The following LGR6 variants were observed in gnomAD, a reference collection of about 807,000 sequenced individuals.
LGR6 encodes the protein leucine rich repeat containing G protein-coupled receptor 6, also known as leucine-rich repeat-containing G protein-coupled receptor 6.
LGR6 carries 45 observed loss-of-function variants against 69.4 expected under a neutral mutation model. The ratio of observed to expected loss-of-function variants is 0.65; its 90% CI spans 0.51 to 0.83. The LOEUF (loss-of-function observed/expected upper bound fraction) is 0.83. Ranked by LOEUF, LGR6 falls within the 40% of genes least tolerant of loss-of-function variation. The pLI is 0.00. For missense variants in LGR6, 1,108 were observed against 1,246.7 expected, an observed-to-expected ratio of 0.89 and a Z score of 1.68; for synonymous variants, 538 against 555.0, an observed-to-expected ratio of 0.97 and a Z score of 0.43.
At chr1:202,307,152 G>T (rs1224926853) in intron 13 of LGR6, among the ~76,000 whole-genome samples, 178 bp from the exon 14 acceptor site, 1 of 152,198 alleles carries the variant, frequency 6.6e-6, no homozygotes, top group Non-Finnish European at 1.5e-5. Flanking sequence ...TCATGTCCCT[G>T]TTCCTGGGGC....
chr1:202,226,502 C>G (rs1430234776), intron 2 of LGR6, among the ~76,000 whole-genome samples: 1 of 152,218 alleles, frequency 6.6e-6, no homozygotes, highest in Non-Finnish European at 1.5e-5. Context: ...ACCTTGCCAC[C>G]GTGACCCTAG....
intron 4 of LGR6, among the ~76,000 whole-genome samples, chr1:202,244,936 C>G (rs1662522808): frequency 6.6e-6 from 1 of 152,208 alleles, no homozygotes; most frequent in South Asian, 2.1e-4. Flanking sequence ...AGGCCCACAG[C>G]TGGTTGGAGA....
intron 4 of LGR6, among the ~76,000 whole-genome samples, chr1:202,240,832 T>C (rs1007446755): frequency 3.3e-5 from 5 of 152,146 alleles, no homozygotes; most frequent in African/African-American, 9.7e-5. Context: ...GACCCATCAT[T>C]CCATACCTCT....
intron 4 of LGR6, among the ~76,000 whole-genome samples, chr1:202,254,040 C>T (rs1288114916): frequency 2.6e-5 from 4 of 151,484 alleles, no homozygotes; most frequent in African/African-American, 7.3e-5. Flanking sequence ...CTCCTGACCT[C>T]GTGATCCGCC....
At chr1:202,245,131 G>T (rs1169177578) in intron 4 of LGR6, among the ~76,000 whole-genome samples, 1 of 152,240 alleles carries the variant, frequency 6.6e-6, no homozygotes, top group African/African-American at 2.4e-5. Context: ...CTAAGGCCCA[G>T]CTGTGCTGTA....
In LGR6 at chr1:202,301,152, T is replaced by C; in HGVS notation, c.858-12T>C. The C allele has an allele frequency of 6.2e-7, 1 of 1,613,836 alleles. No homozygotes were observed. Among genetic ancestry groups the C allele is most frequent in the Non-Finnish European group, 8.5e-7 (1 of 1,179,672 alleles). On this transcript the variant is annotated splice_polypyrimidine_tract_variant and intron_variant, in intron 8 of 17. Coordinates refer to ENST00000367278, the MANE Select transcript of LGR6 (RefSeq NM_001017403.2). ...AAAAACCCAATTAGGTGTTTGGACCTTCTTCTTCCAGACACTTTTATGATA... is the reference window on the plus strand; with the variant it reads ...AAAAACCCAATTAGGTGTTTGGACCCTCTTCTTCCAGACACTTTTATGATA...
chr1:202,239,429 C>G (rs1313335010), intron 4 of LGR6, among the ~76,000 whole-genome samples: 2 of 150,760 alleles, frequency 1.3e-5, no homozygotes, highest in African/African-American at 4.9e-5. Flanking sequence ...GGGGAAAGAT[C>G]TGGAGTTAGA....
rs548054379 is a variant in LGR6, at chr1:202,318,030, T to C, written c.1727T>C (p.Val576Ala). 2 of 1,614,174 alleles carry C rather than the reference T, an allele frequency of 1.2e-6. No individual in the cohort carries two copies. The highest frequency in any genetic ancestry group is 2.2e-5 in the East Asian group (1 of 44,868). Reference protein sequence around the residue: ...LAVWAIVLLSVLCNGLVLLTV... With the variant: ...LAVWAIVLLSALCNGLVLLTV... ...GTGTGGGCCATCGTGTTGCTCTCCG[T>C]GCTCTGCAATGGACTGGTGCTGCTG... is the stretch of plus-strand genomic sequence containing the variant. The change falls in exon 18 of 18, where the codon GTG becomes GCG. Residue 576 changes from valine to alanine, a missense_variant. By Grantham distance (64) the Val-to-Ala change is moderately conservative. Coordinates refer to ENST00000367278, the MANE Select transcript of LGR6 (RefSeq NM_001017403.2).
intron 16 of LGR6, among the ~76,000 whole-genome samples, chr1:202,313,673 T>C (rs1653917757): frequency 6.6e-6 from 1 of 152,236 alleles, no homozygotes; most frequent in Non-Finnish European, 1.5e-5. Context: ...TGTTAACCCT[T>C]ATTGTTCAGT....
rs1343718051 is a variant in LGR6, at chr1:202,268,762, A to G, written c.429-7544A>G. Among the ~76,000 whole-genome samples, 1 of 152,156 alleles carries G rather than the reference A, an allele frequency of 6.6e-6. No individual in the cohort carries two copies. Among genetic ancestry groups the G allele is most frequent in the East Asian group, 1.9e-4 (1 of 5,196 alleles). ...CGCAGAGTTAGGAAATGAGAACAGG[A>G]GCAGGCCTAGCCCACAGCTTTTGAG... On this transcript the variant is annotated intron_variant, in intron 4 of 17. Coordinates refer to ENST00000367278, the MANE Select transcript of LGR6 (RefSeq NM_001017403.2). This position sits in a 1 kb window ranked among gnomAD's most constrained non-coding sequence, Gnocchi z 4.4.
At chr1:202,236,051 C>T (rs979717256) in intron 4 of LGR6, 58 bp downstream of exon 4, 13 of 1,417,064 alleles carry the variant, frequency 9.2e-6, no homozygotes, top group Non-Finnish European at 1.3e-5. Context: ...TGAGTCACAG[C>T]CCAGGGCCCC....
chr1:202,222,594 C>T (rs1660239526), intron 1 of LGR6, among the ~76,000 whole-genome samples: 2 of 151,862 alleles, frequency 1.3e-5, no homozygotes, highest in Admixed American at 1.3e-4. Flanking sequence ...CATTTTTTTT[C>T]GGCACCTCGA....
intron 1 of LGR6, among the ~76,000 whole-genome samples, chr1:202,202,642 C>T (rs1409933685): frequency 6.6e-6 from 1 of 152,242 alleles, no homozygotes; most frequent in East Asian, 1.9e-4. Flanking sequence ...ATAGCAAATG[C>T]CCAATCTATG....
intron 1 of LGR6, among the ~76,000 whole-genome samples, chr1:202,224,912 G>T (rs146256159): frequency 0.024 from 3,693 of 152,284 alleles, 56 homozygotes; most frequent in Middle Eastern, 0.072. Flanking sequence ...GGTCCCCCAA[G>T]GGGAGCCCAG....
chr1:202,236,276 C>T (rs746881635), intron 4 of LGR6: 27 of 473,964 alleles, frequency 5.7e-5, no homozygotes, highest in Admixed American at 4.7e-4. Flanking sequence ...ACCAGGCCAG[C>T]GGTCCTGGGG....
At chr1:202,313,956 G>A (rs369779852) in intron 16 of LGR6, among the ~76,000 whole-genome samples, 2 of 152,110 alleles carry the variant, frequency 1.3e-5, no homozygotes, top group East Asian at 3.9e-4. Context: ...TTGAGAGCAG[G>A]TCCATCTCTT....
In LGR6 at chr1:202,283,494, A is replaced by G. The variant is rs556680378; in HGVS notation, c.716+2642A>G. 2.0e-5 allele frequency among the ~76,000 whole-genome samples: 3 copies of G among 152,326 alleles called. No homozygotes were observed. The East Asian group carries it at 5.8e-4, about 29-fold the overall frequency. The stretch of plus-strand genomic sequence containing the variant: ...GAAGGGTATTTCTCCCTCAGGCCCC[A>G]TAAATCTCTGCCACTTAGACTTCTC... On this transcript the variant is annotated intron_variant, in intron 6 of 17. Transcript: ENST00000367278.
chr1:202,203,065 C>T (rs1214449754), intron 1 of LGR6, among the ~76,000 whole-genome samples: 1 of 152,176 alleles, frequency 6.6e-6, no homozygotes, highest in Non-Finnish European at 1.5e-5. Flanking sequence ...CAGCTCAGTG[C>T]ATTGCTGGGG....
chr1:202,237,231 C>G (rs1475624126), intron 4 of LGR6, among the ~76,000 whole-genome samples: 1 of 152,254 alleles, frequency 6.6e-6, no homozygotes, highest in African/African-American at 2.4e-5. Context: ...GCCCTCTCCT[C>G]TCCCTCCATC....
Sources: gnomAD v4.1 joint callset for allele counts (sites outside exome capture counted in the v4.1 genomes callset) on GRCh38, gnomAD v4.1.1 for gene constraint, Gnocchi (gnomAD v3.1) non-coding constraint, MANE v1.5 for transcripts, NCBI Gene and HGNC (gene_info 2026-07-23, HGNC 2026-07-21) for gene names.